Variants in GPC6 observed in about 807,000 individuals in gnomAD.
The protein encoded by GPC6 is glypican-6.
Under a neutral mutation model 55.2 loss-of-function variants are expected in GPC6, and 14 were observed. That is an observed-to-expected ratio of 0.25 (90% CI 0.17 to 0.40). The LOEUF (loss-of-function observed/expected upper bound fraction) is 0.40. GPC6 is among the 10% of genes least tolerant of loss of function. GPC6 has a pLI of 1.00. For synonymous variants in GPC6, 278 were observed against 259.6 expected (o/e 1.07, Z -0.68); for missense variants, 641 against 708.5 (o/e 0.90, Z 1.08).
chr13:94,151,430 T>C (rs1032655726), intron 4 of GPC6, among the ~76,000 whole-genome samples: 1 of 152,164 alleles, frequency 6.6e-6, no homozygotes, highest in Non-Finnish European at 1.5e-5. Flanking sequence ...GTTGTTATGT[T>C]TTCCGAATCC....
intron 3 of GPC6, among the ~76,000 whole-genome samples, chr13:93,949,665 G>A (rs1396513718): frequency 6.6e-6 from 1 of 152,126 alleles, no homozygotes; most frequent in African/African-American, 2.4e-5. Context: ...AAGTATAATG[G>A]AGGTTACCAG....
At chr13:94,096,271 A>T (rs1369472681) in intron 4 of GPC6, among the ~76,000 whole-genome samples, 14 of 151,604 alleles carry the variant, frequency 9.2e-5, no homozygotes, top group Non-Finnish European at 2.9e-5. Context: ...AAGGGACTAC[A>T]TTACTGAACC....
chr13:93,555,401 T>G (rs1388475359), intron 2 of GPC6, among the ~76,000 whole-genome samples: 7 of 152,216 alleles, frequency 4.6e-5, no homozygotes, highest in African/African-American at 1.7e-4. Context: ...AATGCTGCAG[T>G]GTTGTGTGAC....
intron 1 of GPC6, among the ~76,000 whole-genome samples, chr13:93,258,366 C>A (rs1877026289): frequency 6.6e-6 from 1 of 152,120 alleles, no homozygotes; most frequent in Non-Finnish European, 1.5e-5. Flanking sequence ...CCTCAAGTAT[C>A]CAGTGCTGAG....
At chr13:93,643,915 T>G (rs916232492) in intron 2 of GPC6, among the ~76,000 whole-genome samples, 1 of 152,042 alleles carries the variant, frequency 6.6e-6, no homozygotes, top group African/African-American at 2.4e-5. Flanking sequence ...TTAAGTTGAG[T>G]ATTATTCAAT....
chr13:93,595,516 G>A (rs1877686328), intron 2 of GPC6, among the ~76,000 whole-genome samples: 1 of 152,130 alleles, frequency 6.6e-6, no homozygotes. Flanking sequence ...TTGAATTTCA[G>A]TGAACTATAG....
At chr13:93,816,769 G>C (rs899303880) in intron 2 of GPC6, among the ~76,000 whole-genome samples, 6 of 150,954 alleles carry the variant, frequency 4.0e-5, no homozygotes, top group African/African-American at 1.5e-4. Context: ...ATTGTAAATC[G>C]TTATTATATA....
intron 4 of GPC6, among the ~76,000 whole-genome samples, chr13:94,030,305 G>A (rs1214932733): frequency 6.6e-6 from 1 of 152,156 alleles, no homozygotes; most frequent in Admixed American, 6.5e-5. Flanking sequence ...CACCGTGCCC[G>A]TCCCCTCTGT....
intron 1 of GPC6, among the ~76,000 whole-genome samples, chr13:93,254,961 A>G (rs1450562955): frequency 2.0e-5 from 3 of 152,222 alleles, no homozygotes; most frequent in Admixed American, 6.5e-5. Context: ...AAACCATGGC[A>G]CAAGGGAGCC....
chr13:93,543,089 C>G (rs76782990), intron 1 of GPC6, among the ~76,000 whole-genome samples: 13 of 151,704 alleles, frequency 8.6e-5, no homozygotes, highest in Middle Eastern at 3.4e-3. Context: ...AGAGGGCATC[C>G]CTGTCTTGTG....
Position 93,242,504 on chromosome 13 carries a change from C to G in GPC6, c.160+14888C>G, listed in dbSNP as rs79842387. Among the ~76,000 whole-genome samples, 332 of 152,272 alleles carry G rather than the reference C, an allele frequency of 2.2e-3. 2 individuals carry two copies. Among genetic ancestry groups the G allele is most frequent in the African/African-American group, 7.4e-3 (309 of 41,554 alleles). Reference sequence around the variant, plus strand: ...TCACCCCAAAATGCTCTATAAAGACCATCTACAGATGCACCCAAGCCAAGC... The same window carrying G: ...TCACCCCAAAATGCTCTATAAAGACGATCTACAGATGCACCCAAGCCAAGC... On this transcript the variant is annotated intron_variant, in intron 1 of 8. Transcript: ENST00000377047.
At chr13:93,645,892 G>C (rs1880149361) in intron 2 of GPC6, among the ~76,000 whole-genome samples, 1 of 151,998 alleles carries the variant, frequency 6.6e-6, no homozygotes, top group Non-Finnish European at 1.5e-5. Flanking sequence ...CCATTTAAAG[G>C]AATAACAAAA....
intron 4 of GPC6, among the ~76,000 whole-genome samples, chr13:94,270,814 A>G (rs1414782549): frequency 6.6e-6 from 1 of 152,174 alleles, no homozygotes; most frequent in African/African-American, 2.4e-5. Context: ...TTTCCATGGG[A>G]AGTTCTGAAA....
At chr13:94,237,702 A>G (rs1475619289) in intron 4 of GPC6, among the ~76,000 whole-genome samples, 1 of 152,168 alleles carries the variant, frequency 6.6e-6, no homozygotes, top group African/African-American at 2.4e-5. Flanking sequence ...GAACTAGAGT[A>G]GAAAAAGGAG....
At chr13:93,983,565 A>G (rs879511454) in intron 3 of GPC6, among the ~76,000 whole-genome samples, 1 of 152,122 alleles carries the variant, frequency 6.6e-6, no homozygotes, top group Non-Finnish European at 1.5e-5. Flanking sequence ...CCTCTTGAGT[A>G]GCTGAGACTA....
In GPC6 at chr13:94,238,035, T is replaced by C. The variant is rs148481696; in HGVS notation, c.878-48314T>C. On this transcript the variant is annotated intron_variant, in intron 4 of 8. Coordinates refer to ENST00000377047, the MANE Select transcript of GPC6 (RefSeq NM_005708.5). ...AAGAGGAATTAGTAGAACTGGAAGA[T>C]GGATTTCCTGTGAAGGTTGAGGAGA... 2.9e-3 allele frequency among the ~76,000 whole-genome samples: 448 copies of C among 152,242 alleles called. 2 individuals are homozygous for C. The highest frequency in any genetic ancestry group is 0.01 in the African/African-American group (423 of 41,560).
chr13:94,032,938 T>A (rs1298663501), intron 4 of GPC6, among the ~76,000 whole-genome samples: 5 of 152,214 alleles, frequency 3.3e-5, no homozygotes, highest in African/African-American at 1.2e-4. Flanking sequence ...TTCTGTCACA[T>A]ATTCATTAGT....
chr13:93,894,988 T>A (rs1875904227), intron 3 of GPC6, among the ~76,000 whole-genome samples: 1 of 151,644 alleles, frequency 6.6e-6, no homozygotes, highest in Non-Finnish European at 1.5e-5. Context: ...GAGTGGTTTA[T>A]AACTTTCTTA....
chr13:93,443,312 T>C (rs764044609), intron 1 of GPC6, among the ~76,000 whole-genome samples: 1 of 152,224 alleles, frequency 6.6e-6, no homozygotes. Context: ...TTTTTTTTTC[T>C]GGTCTTTGCT....
Sources: allele counts gnomAD v4.1 joint callset (sites outside exome capture counted in the v4.1 genomes callset), GRCh38; gene constraint gnomAD v4.1.1; transcripts MANE v1.5; gene names NCBI Gene and HGNC (gene_info 2026-07-23, HGNC 2026-07-21).